The following DLG2 variants were observed in gnomAD, a reference collection of about 807,000 sequenced individuals.
The protein encoded by DLG2 is discs large MAGUK scaffold protein 2.
A neutral mutation model predicts 132.5 loss-of-function variants in DLG2; 45 were observed. The ratio of observed to expected loss-of-function variants is 0.34; its 90% CI spans 0.27 to 0.44. The LOEUF is 0.44. Ranked by LOEUF, DLG2 falls within the 20% of genes least tolerant of loss-of-function variation. DLG2 has a pLI of 1.00. For synonymous variants in DLG2, 424 were observed against 419.6 expected (o/e 1.01, Z -0.13); for missense variants, 1,045 against 1,196.9 (o/e 0.87, Z 1.87).
chr11:85,426,855 T>C (rs1044295385), intron 3 of DLG2, among the ~76,000 whole-genome samples: 3 of 152,024 alleles, frequency 2.0e-5, no homozygotes, highest in Non-Finnish European at 4.4e-5. Flanking sequence ...TTCAAACCCA[T>C]GGCAAAGTAG....
chr11:84,311,063 T>C (rs2154387859), intron 7 of DLG2, among the ~76,000 whole-genome samples: 1 of 152,216 alleles, frequency 6.6e-6, no homozygotes, highest in East Asian at 1.9e-4. Flanking sequence ...TTTTTTTTTC[T>C]AGCATGCACA....
At chr11:85,115,468 T>C (rs1366407475) in intron 5 of DLG2, among the ~76,000 whole-genome samples, 1 of 151,992 alleles carries the variant, frequency 6.6e-6, no homozygotes, top group Non-Finnish European at 1.5e-5. Context: ...GATAAACTAA[T>C]AAAGCTGCAG....
chr11:83,882,339 A>C (rs573999254), intron 15 of DLG2, among the ~76,000 whole-genome samples: 4 of 152,254 alleles, frequency 2.6e-5, no homozygotes, highest in Admixed American at 2.0e-4. Context: ...ATAGAAATGC[A>C]AAGTGTAAGA....
intron 3 of DLG2, among the ~76,000 whole-genome samples, chr11:85,531,936 A>C (rs1174622231): frequency 6.6e-6 from 1 of 152,246 alleles, no homozygotes; most frequent in Non-Finnish European, 1.5e-5. Flanking sequence ...ACTTTCTCAA[A>C]GTCACATAAC....
intron 7 of DLG2, among the ~76,000 whole-genome samples, chr11:84,313,673 G>GAAAGAAAGAAAGAAAGAA (rs2098324518): frequency 6.6e-6 from 1 of 151,094 alleles, no homozygotes; most frequent in African/African-American, 2.4e-5. Flanking sequence ...AAGAAAGAAA[G>GAAAGAAAGAAAGAAAGAA]AAAGAAAGAA....
chr11:84,941,764 A>G (rs1213648303), intron 6 of DLG2, among the ~76,000 whole-genome samples: 2 of 151,192 alleles, frequency 1.3e-5, no homozygotes, highest in Non-Finnish European at 2.9e-5. Context: ...CACAGAATGC[A>G]TTTGAAAAGA....
chr11:84,652,192 T>C (rs961032718), intron 6 of DLG2, among the ~76,000 whole-genome samples: 5 of 152,206 alleles, frequency 3.3e-5, no homozygotes, highest in African/African-American at 1.2e-4. Context: ...TTTCCAAAGT[T>C]TGTCATAACT....
At chr11:84,853,455 A>G (rs2082389806) in intron 6 of DLG2, among the ~76,000 whole-genome samples, 1 of 152,052 alleles carries the variant, frequency 6.6e-6, no homozygotes, top group African/African-American at 2.4e-5. Context: ...TTGTTCAAAC[A>G]TTATCCAAAT....
intron 7 of DLG2, among the ~76,000 whole-genome samples, chr11:84,351,035 GTACAGTCTATTA>G (rs1032759029): frequency 1.3e-5 from 2 of 151,964 alleles, no homozygotes; most frequent in Admixed American, 6.6e-5. Flanking sequence ...GGAGAGCACT[GTACAGTCTATTA>G]TACAGAACTT....
intron 6 of DLG2, among the ~76,000 whole-genome samples, chr11:84,578,440 C>A (rs1270014717): frequency 2.0e-5 from 3 of 152,158 alleles, no homozygotes; most frequent in Admixed American, 2.0e-4. Flanking sequence ...AGCATGGGAA[C>A]CCATCTCTTG....
At chr11:85,429,125 G>C (rs898416570) in intron 3 of DLG2, among the ~76,000 whole-genome samples, 3 of 152,100 alleles carry the variant, frequency 2.0e-5, no homozygotes, top group African/African-American at 7.2e-5. Flanking sequence ...CTGAAATTGA[G>C]GCAATAATTA....
Position 83,507,631 on chromosome 11 carries a change from G to T in DLG2, c.2194-23403C>A, listed in dbSNP as rs981556044. 2.1e-5 allele frequency among the ~76,000 whole-genome samples: 3 copies of T among 145,264 alleles called. No individual in the cohort carries two copies. In the Admixed American group the frequency reaches 2.1e-4, roughly 10 times the overall value. On this transcript the variant is annotated intron_variant, in intron 21 of 27. Transcript: ENST00000376104. ...TAGATATATATAAATAAATAAAAGAGTTAAATGGGGATGTGGTGGGAATCA... is the reference window on the plus strand; with the variant it reads ...TAGATATATATAAATAAATAAAAGATTTAAATGGGGATGTGGTGGGAATCA...
At chr11:84,786,801 G>T (rs1385878930) in intron 6 of DLG2, among the ~76,000 whole-genome samples, 3 of 152,138 alleles carry the variant, frequency 2.0e-5, no homozygotes, top group Admixed American at 2.0e-4. Flanking sequence ...TTAACTGGCA[G>T]TAAAAATCGC....
chr11:84,513,366 C>T (rs1261741588), intron 7 of DLG2, among the ~76,000 whole-genome samples: 1 of 151,768 alleles, frequency 6.6e-6, no homozygotes, highest in Non-Finnish European at 1.5e-5. Flanking sequence ...ACAAAAGACC[C>T]AGAATAGCCA....
chr11:85,473,326 G>C (rs2093044052), intron 3 of DLG2, among the ~76,000 whole-genome samples: 2 of 152,304 alleles, frequency 1.3e-5, no homozygotes, highest in African/African-American at 4.8e-5. Context: ...CAAAAATCCT[G>C]TGTCAAAATG....
chr11:83,911,725 T>C (rs1007765021), intron 15 of DLG2, among the ~76,000 whole-genome samples: 5 of 152,098 alleles, frequency 3.3e-5, no homozygotes. Flanking sequence ...CTACAAAAAG[T>C]GTTCTCTAAT....
At chr11:84,802,040 C>T (rs1033642060) in intron 6 of DLG2, among the ~76,000 whole-genome samples, 7 of 150,550 alleles carry the variant, frequency 4.6e-5, no homozygotes, top group African/African-American at 1.7e-4. Context: ...TAACTCTTTC[C>T]ATAATTTAGG....
At chr11:85,292,058 C>A (rs2152772648) in intron 3 of DLG2, among the ~76,000 whole-genome samples, 1 of 152,254 alleles carries the variant, frequency 6.6e-6, no homozygotes. Flanking sequence ...AATGATATTA[C>A]AGTCTTGATG....
chr11:84,993,505 G>A (rs920236660), intron 6 of DLG2, among the ~76,000 whole-genome samples: 10 of 152,202 alleles, frequency 6.6e-5, no homozygotes, highest in African/African-American at 2.4e-4. Context: ...GGGTGCAAGT[G>A]TAAAGGAATG....
Sources: gnomAD v4.1 joint callset for allele counts (sites outside exome capture counted in the v4.1 genomes callset) on GRCh38, gnomAD v4.1.1 for gene constraint, MANE v1.5 for transcripts, NCBI Gene and HGNC (gene_info 2026-07-23, HGNC 2026-07-21) for gene names.